FGFRL1: variants seen among roughly 807,000 people sequenced by gnomAD.
FGFRL1 encodes the protein fibroblast growth factor receptor like 1, also known as fibroblast growth factor receptor-like 1.
A neutral mutation model predicts 36.8 loss-of-function variants in FGFRL1; 24 were observed. The observed-to-expected ratio is 0.65, with a 90% confidence interval of 0.47 to 0.92. The LOEUF (loss-of-function observed/expected upper bound fraction) is 0.92. Among genes scored for constraint, FGFRL1 ranks in the 40% least tolerant of loss-of-function variants. The pLI is 0.00. For missense variants in FGFRL1, 785 were observed against 753.4 expected, an observed-to-expected ratio of 1.04 and a Z score of -0.49; for synonymous variants, 422 against 344.1, an observed-to-expected ratio of 1.23 and a Z score of -2.50.
At position 1,023,617 on chromosome 4, in the gene FGFRL1, C is replaced by T. The variant is rs199675869; in HGVS notation, c.353-24C>T. 3.7e-5 allele frequency: 58 copies of T among 1,579,964 alleles called. 1 individual carries two copies. The East Asian group carries it at 1.0e-3, about 28-fold the overall frequency. On this transcript the variant is annotated intron_variant, in intron 3 of 6. Transcript: ENST00000510644. The surrounding 1 kb of genome is among the most constrained non-coding windows in gnomAD (Gnocchi z 6.0). ...TCAGGGCCCCCCTCACCTGCCCTCC[C>T]TGTGCACCTCCGTCTCTCTGCAGAT...
chr4:1,020,542 C>T (rs1043903340), intron 2 of FGFRL1, among the ~76,000 whole-genome samples: 1 of 150,384 alleles, frequency 6.6e-6, no homozygotes, highest in Non-Finnish European at 1.5e-5. Flanking sequence ...TGGCACTGCC[C>T]ACTGGGGCTG....
chr4:1,025,548 A>C lies in FGFRL1; in HGVS notation c.*201A>C. On this transcript the variant is annotated 3_prime_UTR_variant, in exon 7 of 7. Coordinates refer to ENST00000510644, the MANE Select transcript of FGFRL1 (RefSeq NM_001004356.3). ...TGCCTGGATGCATGTATGCACACAC[A>C]TGCGCGCACACGTGCTCCCTGAAGG... 1.5e-6 allele frequency: 1 copy of C among 663,632 alleles called. No individual in the cohort carries two copies. Among genetic ancestry groups the C allele is most frequent in the Non-Finnish European group, 2.5e-6 (1 of 395,796 alleles). The allele number at this position is 663,632 out of a possible 1,614,324, so 41.1% of individuals were successfully genotyped here. A position where few individuals can be genotyped will look rare whatever the true frequency, so the allele number is the denominator to read the frequency against.
chr4:1,022,279 A>G lies in FGFRL1; in HGVS notation c.156A>G (p.Pro52=), dbSNP rs1463116103. 1.9e-6 allele frequency: 3 copies of G among 1,590,296 alleles called. No individual in the cohort carries two copies. Among genetic ancestry groups the G allele is most frequent in the Non-Finnish European group, 2.6e-6 (3 of 1,170,018 alleles). Residue 52 remains proline (P), a synonymous_variant, in exon 3 of 7, where the codon CCA becomes CCG. Transcript: ENST00000510644. ...GCCGCACTGTGCGGCTGCAGTGCCC[A>G]GTGGAGGGGGACCCGCCGCCGCTGA... ...RLGRTVRLQC[P]VEGDPPPLTM...
In FGFRL1 at chr4:1,011,855, G is replaced by A. The variant is rs1021002074; in HGVS notation, c.-116G>A. 1.7e-4 allele frequency: 25 copies of A among 144,584 alleles called. No homozygotes were observed. Among genetic ancestry groups the A allele is most frequent in the Admixed American group, 2.7e-4 (4 of 14,660 alleles). 9.0% of individuals were successfully genotyped at this position (144,584 alleles called of 1,614,324 possible). A position where few individuals can be genotyped will look rare whatever the true frequency, so the allele number is the denominator to read the frequency against. ...GCCCCGAGACCGGGCCCGGGGGCGCGGGGCGGCGGGATGCGGCGCCCGGGG... is the reference window on the plus strand; with the variant it reads ...GCCCCGAGACCGGGCCCGGGGGCGCAGGGCGGCGGGATGCGGCGCCCGGGG... On this transcript the variant is annotated 5_prime_UTR_variant, in exon 1 of 7. Coordinates refer to ENST00000510644, the MANE Select transcript of FGFRL1 (RefSeq NM_001004356.3).
rs1156547811 is a variant in FGFRL1 at position 1,011,828 on chromosome 4, C to G, written c.-143C>G. The G allele has an allele frequency of 1.4e-5, 2 of 143,812 alleles. No homozygotes were observed. Among genetic ancestry groups the G allele is most frequent in the Admixed American group, 1.4e-4 (2 of 14,604 alleles). 8.9% of individuals were successfully genotyped at this position (143,812 alleles called of 1,614,324 possible). On this transcript the variant is annotated 5_prime_UTR_variant, in exon 1 of 7. Coordinates refer to ENST00000510644, the MANE Select transcript of FGFRL1 (RefSeq NM_001004356.3). ...CCGCCCGCGCCCAGGTAGCGCCGCC[C>G]CGCCCCGAGACCGGGCCCGGGGGCG... is the stretch of plus-strand genomic sequence containing the variant.
chr4:1,024,271 C>T lies in FGFRL1; in HGVS notation c.719-40C>T, dbSNP rs371198708. ...AGGGTGCTGGCGGGGTAGAGTCCGGCGCGGCCCAGGAGCCATGCCCGCGTG... is the reference window on the plus strand; with the variant it reads ...AGGGTGCTGGCGGGGTAGAGTCCGGTGCGGCCCAGGAGCCATGCCCGCGTG... On this transcript the variant is annotated intron_variant, in intron 5 of 6. Transcript: ENST00000510644. 62 of 1,544,110 alleles carry T rather than the reference C, an allele frequency of 4.0e-5. No homozygotes were observed. In the African/African-American group the frequency reaches 5.5e-4, roughly 14 times the overall value.
chr4:1,012,695 G>A (rs1715664923), intron 2 of FGFRL1, 131 bp downstream of exon 2: 1 of 421,902 alleles, frequency 2.4e-6, no homozygotes, highest in Non-Finnish European at 4.1e-6. Context: ...CGCTCGCCAG[G>A]CCCCCTTCCT....
chr4:1,022,742 G>A (rs1716266856), intron 3 of FGFRL1, among the ~76,000 whole-genome samples: 1 of 152,232 alleles, frequency 6.6e-6, no homozygotes, highest in South Asian at 2.1e-4. Context: ...GCCGAAGGCA[G>A]TGGTCCCACA....
At position 1,011,776 on chromosome 4, in the gene FGFRL1, C is replaced by A; in HGVS notation, c.-195C>A. On this transcript the variant is annotated 5_prime_UTR_variant, in exon 1 of 7. Coordinates refer to ENST00000510644, the MANE Select transcript of FGFRL1 (RefSeq NM_001004356.3). ...TCCGGGACCCCGCGCCCCGAGCGCCCGAGCCCGGACCCCGACCCGGCCCGA... is the reference window on the plus strand; with the variant it reads ...TCCGGGACCCCGCGCCCCGAGCGCCAGAGCCCGGACCCCGACCCGGCCCGA... 7.0e-6 allele frequency: 1 copy of A among 141,998 alleles called. No individual in the cohort carries two copies. Among genetic ancestry groups the A allele is most frequent in the South Asian group, 1.9e-4 (1 of 5,210 alleles). 8.8% of individuals were successfully genotyped at this position (141,998 alleles called of 1,614,324 possible). A position where few individuals can be genotyped will look rare whatever the true frequency, so the allele number is the denominator to read the frequency against.
In FGFRL1 at chr4:1,026,539, G is replaced by T. The variant is rs1056718720; in HGVS notation, c.*1192G>T. 5.0e-6 allele frequency: 1 copy of T among 199,544 alleles called. No individual in the cohort carries two copies. The highest frequency in any genetic ancestry group is 1.0e-5 in the Non-Finnish European group (1 of 97,526). The allele number at this position is 199,544 out of a possible 1,614,324, so 12.4% of individuals were successfully genotyped here. A position where few individuals can be genotyped will look rare whatever the true frequency, so the allele number is the denominator to read the frequency against. On this transcript the variant is annotated 3_prime_UTR_variant, in exon 7 of 7. Transcript: ENST00000510644. Reference sequence around the variant, plus strand: ...AGGAGTCCCCTACTGCTGTGGGCTGGGGTTGGGGGCACAGCAGCCCCAAGC... The same window carrying T: ...AGGAGTCCCCTACTGCTGTGGGCTGTGGTTGGGGGCACAGCAGCCCCAAGC...
At chr4:1,020,632 G>A in intron 2 of FGFRL1, among the ~76,000 whole-genome samples, 1 of 135,008 alleles carries the variant, frequency 7.4e-6, no homozygotes, top group Non-Finnish European at 1.6e-5. Context: ...TGGGGACTGA[G>A]GCAGGGGATG....
At chr4:1,010,455 C>T (rs1455384921), upstream of FGFRL1, among the ~76,000 whole-genome samples, 1 of 152,264 alleles carries the variant, frequency 6.6e-6, no homozygotes, top group Non-Finnish European at 1.5e-5. Context: ...ACCCTGACAG[C>T]TGGCGCCCCC....
At position 1,022,420 on chromosome 4, in the gene FGFRL1, C is replaced by T; in HGVS notation, c.297C>T (p.Cys99=). 1.9e-6 allele frequency: 3 copies of T among 1,611,282 alleles called. No homozygotes were observed. Among genetic ancestry groups the T allele is most frequent in the East Asian group, 2.2e-5 (1 of 44,862 alleles). ...VEREDAGVYV[C]KATNGFGSLS... is the part of the protein sequence containing the mutation. ...GGGAGGATGCCGGCGTGTACGTGTG[C>T]AAGGCCACCAACGGCTTCGGCAGCC... The change falls in exon 3 of 7, where the codon TGC becomes TGT. Residue 99 remains cysteine (C), a synonymous_variant. Transcript: ENST00000510644.
intron 2 of FGFRL1, 50 bp from the exon 3 acceptor site, chr4:1,022,153 T>C: frequency 7.0e-7 from 1 of 1,425,852 alleles, no homozygotes; most frequent in Non-Finnish European, 9.3e-7. Flanking sequence ...CCCCCCCGGC[T>C]CCGGACCCCA....
chr4:1,014,554 C>G (rs1560558089), intron 2 of FGFRL1, among the ~76,000 whole-genome samples: 1 of 152,196 alleles, frequency 6.6e-6, no homozygotes, highest in Non-Finnish European at 1.5e-5. Flanking sequence ...GGCAGGGTGC[C>G]TGTCCAGGGG....
In FGFRL1 at chr4:1,024,390, C is replaced by T. The variant is rs909385227; in HGVS notation, c.798C>T (p.Phe266=). ...TGGACTTCGGGGGGACCACGTCCTT[C>T]CAGTGCAAGGTGCGCAGCGACGTGA... ...TTVDFGGTTS[F]QCKVRSDVKP... Residue 266 remains phenylalanine (F), a synonymous_variant, in exon 6 of 7, where the codon TTC becomes TTT. Transcript: ENST00000510644. The T allele has an allele frequency of 1.9e-6, 3 of 1,612,622 alleles. No homozygotes were observed. The highest frequency in any genetic ancestry group is 2.5e-6 in the Non-Finnish European group (3 of 1,179,856).
chr4:1,014,749 G>A (rs369293237), intron 2 of FGFRL1, among the ~76,000 whole-genome samples: 2 of 152,234 alleles, frequency 1.3e-5, no homozygotes, highest in African/African-American at 2.4e-5. Context: ...CGTGTGCAGC[G>A]GGCTGAGGTG....
intron 2 of FGFRL1, among the ~76,000 whole-genome samples, chr4:1,018,245 G>C (rs1715995261): frequency 6.6e-6 from 1 of 152,082 alleles, no homozygotes; most frequent in Non-Finnish European, 1.5e-5. Flanking sequence ...TCTGTCTGGG[G>C]ACAGTGTGTG....
At position 1,023,868 on chromosome 4, in the gene FGFRL1, G is replaced by A. The variant is rs761612724; in HGVS notation, c.485G>A (p.Arg162Gln). The change falls in exon 5 of 7, where the codon CGG (arginine) becomes CAG (glutamine). Residue 162 changes from arginine to glutamine, a missense_variant. Physicochemically the swap from Arg to Gln is conservative, Grantham distance 43. Coordinates refer to ENST00000510644, the MANE Select transcript of FGFRL1 (RefSeq NM_001004356.3). The surrounding 1 kb of genome is among the most constrained non-coding windows in gnomAD (Gnocchi z 6.0). ...AAGATGAGGCGCCGGGTGATCGCAC[G>A]GCCCGTGGGTAGCTCCGTGCGGCTC... ...PSKMRRRVIA[R>Q]PVGSSVRLKC... 10 of 1,576,010 alleles carry A rather than the reference G, an allele frequency of 6.3e-6. No homozygotes were observed. The highest frequency in any genetic ancestry group is 1.1e-5 in the South Asian group (1 of 87,672).
Sources: allele counts gnomAD v4.1 joint callset (sites outside exome capture counted in the v4.1 genomes callset), GRCh38; gene constraint gnomAD v4.1.1; non-coding constraint Gnocchi (gnomAD v3.1); transcripts MANE v1.5; gene names NCBI Gene and HGNC (gene_info 2026-07-23, HGNC 2026-07-21).